The following TOP1MT variants were observed in gnomAD, a reference collection of about 807,000 sequenced individuals.
TOP1MT encodes DNA topoisomerase I, mitochondrial.
A neutral mutation model predicts 73.9 loss-of-function variants in TOP1MT; 80 were observed. The ratio of observed to expected loss-of-function variants is 1.08; its 90% CI spans 0.90 to 1.30. The LOEUF is 1.30. Ranked by LOEUF, TOP1MT falls within the 50% of genes most tolerant of loss-of-function variation. The pLI is 0.00. For synonymous variants in TOP1MT, 338 were observed against 326.4 expected, an observed-to-expected ratio of 1.04 and a Z score of -0.38; for missense variants, 815 against 808.0, an observed-to-expected ratio of 1.01 and a Z score of -0.10.
chr8:143,356,460 C>CA (rs1817409018), upstream of TOP1MT, among the ~76,000 whole-genome samples: 1 of 152,274 alleles, frequency 6.6e-6, no homozygotes, highest in Non-Finnish European at 1.5e-5. Flanking sequence ...AGTAAATGAT[C>CA]AAAAAAGCTT....
chr8:143,346,820 T>G (rs1363202143), upstream of TOP1MT, among the ~76,000 whole-genome samples: 2 of 151,988 alleles, frequency 1.3e-5, no homozygotes, highest in African/African-American at 2.4e-5. Flanking sequence ...AGCGCACAGG[T>G]CAGAGGGAGG....
At chr8:143,310,417 G>A (rs991452671) in intron 12 of TOP1MT, 200 bp from the exon 13 acceptor site, 3 of 485,198 alleles carry the variant, frequency 6.2e-6, no homozygotes, top group African/African-American at 5.9e-5. Flanking sequence ...GTCAGATACA[G>A]AGGAGGGCCG....
At chr8:143,322,693 C>A (rs1586760306) in intron 7 of TOP1MT, among the ~76,000 whole-genome samples, 4 of 40,380 alleles carry the variant, frequency 9.9e-5, no homozygotes, top group Non-Finnish European at 1.6e-4. Flanking sequence ...CACACGCACG[C>A]CACACGCACG....
chr8:143,321,596 C>G (rs1307168542), intron 7 of TOP1MT, among the ~76,000 whole-genome samples: 3 of 132,872 alleles, frequency 2.3e-5, no homozygotes, highest in South Asian at 2.4e-4. Flanking sequence ...CACACGCACG[C>G]ACGCCACACG....
chr8:143,332,771 G>A (rs1365793669), intron 1 of TOP1MT: 2 of 364,584 alleles, frequency 5.5e-6, no homozygotes, highest in Non-Finnish European at 5.4e-6. Context: ...GGTGGCTCAC[G>A]CCTGTGATCC....
Position 143,321,217 on chromosome 8 carries a change from A to G in TOP1MT, c.1130T>C (p.Val377Ala). ...GGCACTCACCGGCTTCTCCACCGGC[A>G]CTCTGTTGTAGTAGCGGATGCAGTC... ...GKDCIRYYNR[V>A]PVEKPVYKNL... is the part of the protein sequence containing the mutation. Residue 377 changes from valine (V) to alanine (A), a missense_variant, in exon 8 of 14, where the codon GTG becomes GCG. Physicochemically the swap from Val to Ala is moderately conservative, Grantham distance 64. Coordinates refer to ENST00000329245, the MANE Select transcript of TOP1MT (RefSeq NM_052963.3). The G allele has an allele frequency of 6.2e-7, 1 of 1,600,534 alleles. No individual in the cohort carries two copies. Among genetic ancestry groups the G allele is most frequent in the Middle Eastern group, 1.7e-4 (1 of 6,004 alleles).
chr8:143,330,288 T>C (rs1279806967), intron 2 of TOP1MT, among the ~76,000 whole-genome samples: 1 of 152,158 alleles, frequency 6.6e-6, no homozygotes, highest in Non-Finnish European at 1.5e-5. Flanking sequence ...TAAGCAGTCC[T>C]CGCCTGCCAT....
chr8:143,355,694 G>T (rs1817395853), intron 1 of TOP1MT, among the ~76,000 whole-genome samples: 1 of 152,148 alleles, frequency 6.6e-6, no homozygotes. Flanking sequence ...TGTTACATCT[G>T]GGCCCCCGAC....
chr8:143,332,579 G>C, intron 1 of TOP1MT: 1 of 1,289,366 alleles, frequency 7.8e-7, no homozygotes, highest in South Asian at 1.2e-5. Context: ...TGTCCTCAGA[G>C]CAACAGGAAG....
At position 143,326,400 on chromosome 8, in the gene TOP1MT, C is replaced by T. The variant is rs924657860; in HGVS notation, c.361-56G>A. ...ATGTCTGAAGGACAGACATGCAGAGCGCTCTCGCCATGTCTGACGGACAGA... is the reference window on the plus strand; with the variant it reads ...ATGTCTGAAGGACAGACATGCAGAGTGCTCTCGCCATGTCTGACGGACAGA... On this transcript the variant is annotated intron_variant, in intron 3 of 13. Coordinates refer to ENST00000329245, the MANE Select transcript of TOP1MT (RefSeq NM_052963.3). The T allele has an allele frequency of 1.7e-5, 27 of 1,603,934 alleles. No individual in the cohort carries two copies. The Middle Eastern group carries it at 5.0e-4, about 29-fold the overall frequency.
At chr8:143,351,496 C>T (rs1817319836) in intron 1 of TOP1MT, among the ~76,000 whole-genome samples, 1 of 151,522 alleles carries the variant, frequency 6.6e-6, no homozygotes, top group Non-Finnish European at 1.5e-5. Flanking sequence ...AGGAGAATCA[C>T]TTGAGCCTGG....
chr8:143,339,359 T>C (rs565795503), upstream of TOP1MT, among the ~76,000 whole-genome samples: 2 of 152,346 alleles, frequency 1.3e-5, no homozygotes, highest in African/African-American at 4.8e-5. Context: ...GCTGCGCAGC[T>C]CGTGGCTGCG....
rs1339569671 is a variant in TOP1MT at position 143,322,937 on chromosome 8, G to C, written c.960+1062C>G. ...ACGCCACACACGCACGCCACACACA[G>C]GCACGCCACACACGCCACACACGCA... On this transcript the variant is annotated intron_variant, in intron 7 of 13. Coordinates refer to ENST00000329245, the MANE Select transcript of TOP1MT (RefSeq NM_052963.3). Among the ~76,000 whole-genome samples, 43 of 27,620 alleles carry C rather than the reference G, an allele frequency of 1.6e-3. 1 individual carries two copies. Among genetic ancestry groups the C allele is most frequent in the African/African-American group, 5.2e-3 (37 of 7,072 alleles). 18.1% of individuals were successfully genotyped at this position (27,620 alleles called of 152,430 possible).
chr8:143,320,660 G>A (rs565958145), intron 8 of TOP1MT, among the ~76,000 whole-genome samples: 17 of 152,294 alleles, frequency 1.1e-4, no homozygotes, highest in Admixed American at 7.2e-4. Flanking sequence ...ATACGACAGC[G>A]TCCTTGTGAG....
intron 2 of TOP1MT, among the ~76,000 whole-genome samples, chr8:143,340,774 T>C (rs1817064944): frequency 6.6e-6 from 1 of 152,228 alleles, no homozygotes. Flanking sequence ...CCCTCTTCTT[T>C]TCTTTTCTGG....
chr8:143,354,721 A>G (rs1483988000), intron 1 of TOP1MT, among the ~76,000 whole-genome samples: 1 of 152,158 alleles, frequency 6.6e-6, no homozygotes, highest in Non-Finnish European at 1.5e-5. Context: ...TCAAAAAAAA[A>G]AAAAGAAAAA....
chr8:143,356,152 GCAGA>G (rs1406809858), upstream of TOP1MT: 8 of 152,416 alleles, frequency 5.2e-5, no homozygotes, highest in African/African-American at 1.9e-4. Context: ...TGGCCAGCGG[GCAGA>G]CAGACACAAC....
upstream of TOP1MT, among the ~76,000 whole-genome samples, chr8:143,337,430 A>G (rs965378223): frequency 6.6e-6 from 1 of 152,156 alleles, no homozygotes; most frequent in African/African-American, 2.4e-5. Context: ...AATACTCCCC[A>G]AACTGATCCA....
chr8:143,317,776 C>A lies in TOP1MT; in HGVS notation c.1277G>T (p.Arg426Leu). The A allele has an allele frequency of 6.2e-7, 1 of 1,614,178 alleles. No individual in the cohort carries two copies. Among genetic ancestry groups the A allele is most frequent in the Non-Finnish European group, 8.5e-7 (1 of 1,180,034 alleles). Residue 426 changes from arginine to leucine, a missense_variant, in exon 10 of 14, where the codon CGG becomes CTG. Physicochemically the swap from Arg to Leu is moderately radical, Grantham distance 102 (BLOSUM62 -2). This residue lies in a region of TOP1MT where 751 missense variants were observed against 725.4 expected (regional missense o/e 1.04). Transcript: ENST00000329245. ...CAGAGTGATGGAGGCGTTGTAGGTC[C>A]GGAACACCTTGGCCGTCAGCCCGTC... The part of the protein sequence containing the change: ...LMDGLTAKVF[R>L]TYNASITLQE...
Sources: allele counts gnomAD v4.1 joint callset (sites outside exome capture counted in the v4.1 genomes callset), GRCh38; gene constraint gnomAD v4.1.1; regional missense constraint gnomAD v4.1.1; transcripts MANE v1.5; gene names NCBI Gene and HGNC (gene_info 2026-07-23, HGNC 2026-07-21).